The following ASAP1 variants were observed in gnomAD, a reference collection of about 807,000 sequenced individuals.
ASAP1 encodes the protein ArfGAP with SH3 domain, ankyrin repeat and PH domain 1.
A neutral mutation model predicts 145.2 loss-of-function variants in ASAP1; 43 were observed. That is an observed-to-expected ratio of 0.30 (90% CI 0.23 to 0.38). The LOEUF is 0.38. ASAP1 is among the 10% of genes least tolerant of loss of function. The probability of loss-of-function intolerance (pLI) is 1.00; values close to 1 mark genes in which losing one functional copy is unlikely to be tolerated. For synonymous variants in ASAP1, 546 were observed against 515.5 expected, an observed-to-expected ratio of 1.06 and a Z score of -0.80; for missense variants, 1,018 against 1,355.3, an observed-to-expected ratio of 0.75 and a Z score of 3.91.
intron 1 of ASAP1, among the ~76,000 whole-genome samples, chr8:130,420,939 A>G (rs1007367992): frequency 6.6e-6 from 1 of 152,112 alleles, no homozygotes; most frequent in Admixed American, 6.5e-5. Context: ...TTAACACAAA[A>G]TTATGAGTCT....
At chr8:130,317,158 A>C (rs977989090) in intron 3 of ASAP1, among the ~76,000 whole-genome samples, 4 of 152,216 alleles carry the variant, frequency 2.6e-5, no homozygotes, top group African/African-American at 9.6e-5. Flanking sequence ...AAATATGTTA[A>C]ACAGAAGAAG....
At chr8:130,368,109 A>G (rs1199433386) in intron 2 of ASAP1, among the ~76,000 whole-genome samples, 1 of 152,178 alleles carries the variant, frequency 6.6e-6, no homozygotes, top group East Asian at 1.9e-4. Context: ...GACAGCATCC[A>G]GCTTCTGTTC....
At chr8:130,338,329 T>C (rs777273316) in intron 3 of ASAP1, among the ~76,000 whole-genome samples, 3 of 152,182 alleles carry the variant, frequency 2.0e-5, no homozygotes, top group Non-Finnish European at 2.9e-5. Flanking sequence ...GAGGTTTACA[T>C]CAGTGGATGT....
chr8:130,170,713 G>T (rs1002420923), intron 9 of ASAP1, among the ~76,000 whole-genome samples: 1 of 151,958 alleles, frequency 6.6e-6, no homozygotes, highest in Non-Finnish European at 1.5e-5. Context: ...AAAAATACAT[G>T]AACACATGTA....
intron 24 of ASAP1, among the ~76,000 whole-genome samples, chr8:130,099,782 AC>A (rs2135484480): frequency 7.1e-6 from 1 of 139,970 alleles, no homozygotes; most frequent in African/African-American, 2.7e-5. Context: ...CAGGTGATCC[AC>A]CCGCCTCGGC....
chr8:130,111,998 C>A (rs533193345), intron 24 of ASAP1, 96 bp downstream of exon 24: 14 of 1,201,932 alleles, frequency 1.2e-5, no homozygotes, highest in Non-Finnish European at 1.4e-5. Flanking sequence ...ATGTACCTTG[C>A]AATTCTTACC....
intron 20 of ASAP1, among the ~76,000 whole-genome samples, chr8:130,117,732 T>C (rs1296815615): frequency 1.3e-5 from 2 of 152,236 alleles, no homozygotes; most frequent in East Asian, 1.9e-4. Context: ...ACAAATATGG[T>C]TGACCTGTGC....
chr8:130,219,421 ATC>A (rs1276132412), intron 4 of ASAP1, among the ~76,000 whole-genome samples: 1 of 152,206 alleles, frequency 6.6e-6, no homozygotes, highest in Non-Finnish European at 1.5e-5. Context: ...ACAGTAAGCC[ATC>A]TGAGGGGAAT....
rs573623856 is a variant in ASAP1 at position 130,388,002 on chromosome 8, G to C, written c.59+13883C>G. 1.2e-4 allele frequency among the ~76,000 whole-genome samples: 19 copies of C among 152,290 alleles called. No homozygotes were observed. In the South Asian group the frequency reaches 3.9e-3, roughly 32 times the overall value. On this transcript the variant is annotated intron_variant, in intron 2 of 29. Coordinates refer to ENST00000518721, the MANE Select transcript of ASAP1 (RefSeq NM_018482.4). ...TACAACTGCTAGGAAGAAAACATAC[G>C]GGGAGCAACCAAAGAGAATAAAGGC...
intron 22 of ASAP1, 52 bp downstream of exon 22, chr8:130,116,626 A>T: frequency 6.7e-7 from 1 of 1,488,454 alleles, no homozygotes; most frequent in Non-Finnish European, 9.3e-7. Context: ...TCAGAATGAC[A>T]CTTTTAAGGC....
At chr8:130,361,052 A>G (rs1826688407) in intron 2 of ASAP1, 1 of 155,004 alleles carries the variant, frequency 6.5e-6, no homozygotes, top group African/African-American at 2.4e-5. Flanking sequence ...TAGGCTGGAA[A>G]CAATTTCAGA....
chr8:130,347,222 T>C (rs1825749515), intron 3 of ASAP1, among the ~76,000 whole-genome samples: 1 of 152,246 alleles, frequency 6.6e-6, no homozygotes, highest in Admixed American at 6.5e-5. Flanking sequence ...GTTTCTTTTC[T>C]GGCCATACCC....
At chr8:130,065,707 A>T (rs1006380904) in intron 27 of ASAP1, among the ~76,000 whole-genome samples, 3 of 152,254 alleles carry the variant, frequency 2.0e-5, no homozygotes, top group Non-Finnish European at 2.9e-5. Flanking sequence ...CATTTGTTGT[A>T]GCATTTATAA....
chr8:130,157,654 C>T (rs1169075707), intron 12 of ASAP1, among the ~76,000 whole-genome samples: 2 of 152,206 alleles, frequency 1.3e-5, no homozygotes, highest in Admixed American at 6.5e-5. Flanking sequence ...CCTATGACCT[C>T]CTGGCTTGCT....
Position 130,116,028 on chromosome 8 carries a change from C to T in ASAP1, c.2065-293G>A, listed in dbSNP as rs184075997. 1.7e-3 allele frequency among the ~76,000 whole-genome samples: 252 copies of T among 152,306 alleles called. 1 individual carries two copies. The highest frequency in any genetic ancestry group is 0.015 in the Admixed American group (229 of 15,304). ...GCAAATTCCTGGCTGAAAGGCAAAA[C>T]GAGTCTTTGAAGTTTAAGACGTAGG... On this transcript the variant is annotated intron_variant, in intron 22 of 29. Transcript: ENST00000518721.
intron 3 of ASAP1, among the ~76,000 whole-genome samples, chr8:130,327,775 C>G (rs558283167): frequency 6.6e-6 from 1 of 152,210 alleles, no homozygotes; most frequent in South Asian, 2.1e-4. Context: ...GTGACTCTGA[C>G]AGTTACAGGA....
At chr8:130,159,539 G>A (rs991583663) in intron 12 of ASAP1, among the ~76,000 whole-genome samples, 15 of 142,196 alleles carry the variant, frequency 1.1e-4, no homozygotes, top group African/African-American at 1.5e-4. Context: ...GGAGAATGGC[G>A]TGAACTCAGG....
chr8:130,198,017 C>T (rs2136294486), intron 5 of ASAP1, among the ~76,000 whole-genome samples: 1 of 152,322 alleles, frequency 6.6e-6, no homozygotes, highest in East Asian at 1.9e-4. Context: ...CATTTGCTGG[C>T]TCTGGGTCTT....
At chr8:130,149,843 T>A (rs7008507) in intron 13 of ASAP1, among the ~76,000 whole-genome samples, 105,941 of 152,088 alleles carry the variant, frequency 0.7, 37,019 homozygotes, top group South Asian at 0.79. Context: ...TGAGTGATGT[T>A]ACTGGCAGCA....
Sources: gnomAD v4.1 joint callset for allele counts (sites outside exome capture counted in the v4.1 genomes callset) on GRCh38, gnomAD v4.1.1 for gene constraint, MANE v1.5 for transcripts, NCBI Gene and HGNC (gene_info 2026-07-23, HGNC 2026-07-21) for gene names.